SLC26A5: variants seen among roughly 807,000 people sequenced by gnomAD.
SLC26A5 encodes the protein prestin.
Under a neutral mutation model 81.0 loss-of-function variants are expected in SLC26A5, and 51 were observed. The ratio of observed to expected loss-of-function variants is 0.63; its 90% confidence interval spans 0.50 to 0.80. SLC26A5 has a LOEUF of 0.80. Among genes scored for constraint, SLC26A5 ranks in the 30% least tolerant of loss-of-function variants. The probability of loss-of-function intolerance (pLI) is 0.00; values close to 1 mark genes in which losing one functional copy is unlikely to be tolerated. For synonymous variants in SLC26A5, 325 were observed against 332.8 expected (o/e 0.98, Z 0.25); for missense variants, 771 against 905.8 (o/e 0.85, Z 1.91).
intron 19 of SLC26A5, among the ~76,000 whole-genome samples, chr7:103,376,511 T>G (rs1448206218): frequency 6.6e-6 from 1 of 152,232 alleles, no homozygotes; most frequent in Non-Finnish European, 1.5e-5. Flanking sequence ...TAATTGCTAC[T>G]GTGGTCATGT....
rs1163409838 is a variant in SLC26A5, at chr7:103,367,854, G to A, written c.2041+8954C>T. 8 of 1,612,772 alleles carry A rather than the reference G, an allele frequency of 5.0e-6. 1 individual carries two copies. The Admixed American group carries it at 1.2e-4, about 24-fold the overall frequency. ...TTATATTTGCTGGTCTGTCTGCTCA[G>A]GCTGCTTTAATTAAGCCCGTTTATT... On this transcript the variant is annotated intron_variant, in intron 19 of 19. Coordinates refer to the SLC26A5 transcript ENST00000339444. The surrounding 1 kb of genome is among the most constrained non-coding windows in gnomAD (Gnocchi z 6.1).
downstream of SLC26A5, among the ~76,000 whole-genome samples, chr7:103,372,247 A>G (rs757591676): frequency 3.9e-5 from 6 of 152,220 alleles, no homozygotes; most frequent in East Asian, 1.9e-4. Flanking sequence ...TTTGAATTAA[A>G]TTAGTAAAGA....
intron 19 of SLC26A5, chr7:103,354,878 C>T (rs376614496): frequency 6.2e-7 from 1 of 1,612,340 alleles, no homozygotes; most frequent in Non-Finnish European, 8.5e-7. Flanking sequence ...GGTCAGAGCA[C>T]TTACTCTAGG....
downstream of SLC26A5, chr7:103,374,131 C>T (rs1460200435): frequency 6.5e-5 from 75 of 1,162,228 alleles, no homozygotes; most frequent in Non-Finnish European, 7.5e-5. Flanking sequence ...ATAAATTTTT[C>T]GATGCTTAGC....
chr7:103,417,521 A>G (rs915278549), intron 4 of SLC26A5, among the ~76,000 whole-genome samples: 8 of 150,146 alleles, frequency 5.3e-5, no homozygotes, highest in Non-Finnish European at 1.0e-4. Context: ...GCTTGATCTT[A>G]GCTCCCTTCT....
Position 103,389,115 on chromosome 7 carries a change from C to A in SLC26A5, c.1408-1G>T. Reference sequence around the variant, plus strand: ...ACACAAAAGTGGTAAGCCAGATGGTCTAAGCAAAAGACAGAAAACTTGATG... The same window carrying A: ...ACACAAAAGTGGTAAGCCAGATGGTATAAGCAAAAGACAGAAAACTTGATG... On this transcript the variant is annotated splice_acceptor_variant, in intron 13 of 19. Transcript: ENST00000306312. LOFTEE classifies it high-confidence loss of function. The A allele has an allele frequency of 1.9e-6, 3 of 1,607,866 alleles. No homozygotes were observed. In the South Asian group the frequency reaches 3.3e-5, roughly 18 times the overall value.
chr7:103,393,173 G>T, intron 9 of SLC26A5, 107 bp from the exon 10 acceptor site: 1 of 1,335,812 alleles, frequency 7.5e-7, no homozygotes, highest in South Asian at 1.3e-5. Context: ...TGCAAATGAA[G>T]TAATCAATGC....
At chr7:103,356,487 A>G (rs1187123004) in intron 19 of SLC26A5, among the ~76,000 whole-genome samples, 1 of 152,218 alleles carries the variant, frequency 6.6e-6, no homozygotes, top group African/African-American at 2.4e-5. Context: ...CATTTGTCTG[A>G]TCAATGTAAG....
At chr7:103,444,150 A>G (rs1389236564) in intron 1 of SLC26A5, among the ~76,000 whole-genome samples, 1 of 152,246 alleles carries the variant, frequency 6.6e-6, no homozygotes, top group Admixed American at 6.5e-5. Flanking sequence ...ATCCTCCAAC[A>G]GAATGGACTT....
intron 2 of SLC26A5, among the ~76,000 whole-genome samples, chr7:103,428,277 T>C (rs138657722): frequency 6.6e-6 from 1 of 152,330 alleles, no homozygotes; most frequent in Non-Finnish European, 1.5e-5. Flanking sequence ...AACGCAATAC[T>C]AATTTCTGTA....
chr7:103,368,952 GT>G (rs1455610007), intron 19 of SLC26A5: 15 of 152,068 alleles, frequency 9.9e-5, no homozygotes, highest in African/African-American at 3.6e-4. Context: ...TACCTCCTGT[GT>G]AACCACCACC....
At chr7:103,389,158 T>TCCCACAAGAGTTAAACAC in intron 13 of SLC26A5, 44 bp from the exon 14 acceptor site, 1 of 1,453,560 alleles carries the variant, frequency 6.9e-7, no homozygotes, top group Non-Finnish European at 9.7e-7. Flanking sequence ...ATGTTAAACA[T>TCCCACAAGAGTTAAACAC]CCCACAAGAG....
At chr7:103,354,019 G>A in intron 19 of SLC26A5, 2 of 1,279,694 alleles carry the variant, frequency 1.6e-6, no homozygotes, top group South Asian at 1.5e-5. Flanking sequence ...AACTGTTTTG[G>A]TATTGTCCTT....
intron 9 of SLC26A5, 56 bp from the exon 10 acceptor site, chr7:103,393,122 A>G (rs1397819037): frequency 6.2e-7 from 1 of 1,607,392 alleles, no homozygotes. Context: ...AAAGAAAAAA[A>G]ACCTTGCGAC....
intron 4 of SLC26A5, among the ~76,000 whole-genome samples, chr7:103,417,851 C>A (rs1003465873): frequency 6.6e-6 from 1 of 152,130 alleles, no homozygotes; most frequent in African/African-American, 2.4e-5. Flanking sequence ...CAGGTTCAAG[C>A]GATTCTCCTG....
intron 19 of SLC26A5, chr7:103,355,680 C>T: frequency 6.3e-7 from 1 of 1,598,354 alleles, no homozygotes; most frequent in Non-Finnish European, 8.6e-7. Flanking sequence ...ATTTTGTCAT[C>T]TTTCTCTATG....
chr7:103,357,587 G>A (rs932600602), intron 19 of SLC26A5, among the ~76,000 whole-genome samples: 2 of 152,058 alleles, frequency 1.3e-5, no homozygotes, highest in African/African-American at 4.8e-5. Flanking sequence ...CACCTTGAAG[G>A]CACACCTTTC....
intron 10 of SLC26A5, among the ~76,000 whole-genome samples, chr7:103,392,093 T>C (rs1302333454): frequency 6.6e-6 from 1 of 152,232 alleles, no homozygotes; most frequent in Non-Finnish European, 1.5e-5. Flanking sequence ...TTGGCATCTT[T>C]TTAATGCCTG....
chr7:103,431,627 C>T (rs1296306137), intron 2 of SLC26A5, among the ~76,000 whole-genome samples: 1 of 152,074 alleles, frequency 6.6e-6, no homozygotes, highest in Non-Finnish European at 1.5e-5. Context: ...TAGCCAGCCA[C>T]CATTTTCTTA....
Sources: allele counts gnomAD v4.1 joint callset (sites outside exome capture counted in the v4.1 genomes callset), GRCh38; gene constraint gnomAD v4.1.1; non-coding constraint Gnocchi (gnomAD v3.1); transcripts MANE v1.5; gene names NCBI Gene and HGNC (gene_info 2026-07-23, HGNC 2026-07-21).